The following SEC31A variants were observed in gnomAD, a reference collection of about 807,000 sequenced individuals.
SEC31A encodes the protein SEC31 homolog A, COPII component, also known as protein transport protein Sec31A.
SEC31A carries 70 observed loss-of-function variants against 151.0 expected under a neutral mutation model. The ratio of observed to expected loss-of-function variants is 0.46; its 90% confidence interval spans 0.38 to 0.57. The LOEUF (loss-of-function observed/expected upper bound fraction) is 0.57. SEC31A is among the 20% of genes least tolerant of loss of function. The pLI is 0.00. For missense variants in SEC31A, 1,330 were observed against 1,471.2 expected (o/e 0.90, Z 1.57); for synonymous variants, 475 against 505.9 (o/e 0.94, Z 0.82).
intron 24 of SEC31A, among the ~76,000 whole-genome samples, chr4:82,826,682 A>C (rs1281404683): frequency 6.6e-6 from 1 of 152,382 alleles, no homozygotes; most frequent in East Asian, 1.9e-4. Context: ...ACAGTAAAGT[A>C]TAATCTTGTG....
chr4:82,824,560 C>T lies in SEC31A; in HGVS notation c.3406G>A (p.Asp1136Asn). 6.2e-7 allele frequency: 1 copy of T among 1,613,174 alleles called. No individual in the cohort carries two copies. The highest frequency in any genetic ancestry group is 1.1e-5 in the South Asian group (1 of 90,766). The change falls in exon 25 of 27, where the codon GAC (aspartate) becomes AAC (asparagine). Residue 1136 changes from aspartate to asparagine, a missense_variant. Coordinates refer to ENST00000395310, the MANE Select transcript of SEC31A (RefSeq NM_001077207.4). Reference protein sequence around the residue: ...LIQRCLSSATDPQTKRKLDDA... With the variant: ...LIQRCLSSATNPQTKRKLDDA... Reference sequence around the variant, plus strand: ...TTAAAAAAATAAATACATACAGGGTCTGTTGCTGAAGAAAGGCAGCGCTGA... The same window carrying T: ...TTAAAAAAATAAATACATACAGGGTTTGTTGCTGAAGAAAGGCAGCGCTGA...
chr4:82,853,006 A>C (rs946361228), intron 18 of SEC31A, among the ~76,000 whole-genome samples: 2 of 152,208 alleles, frequency 1.3e-5, no homozygotes, highest in African/African-American at 4.8e-5. Flanking sequence ...GCCACCACTG[A>C]TGTGAAAGGA....
Position 82,867,160 on chromosome 4 carries a change from C to A in SEC31A, c.1039G>T (p.Asp347Tyr). 1 of 1,612,880 alleles carries A rather than the reference C, an allele frequency of 6.2e-7. No homozygotes were observed. The highest frequency in any genetic ancestry group is 1.1e-5 in the South Asian group (1 of 90,880). ...STDGLRQKQVDKLSSSFGNLD... is the reference protein window; with the variant it reads ...STDGLRQKQVYKLSSSFGNLD... ...ACTTTAACACTTCCTATTACCTTGT[C>A]AACTTGTTTCTGTCTTAAACCATCT... The change falls in exon 9 of 27, where the codon GAC becomes TAC. Residue 347 changes from aspartate (D) to tyrosine (Y), a missense_variant. Transcript: ENST00000395310.
At chr4:82,880,149 C>T (rs1054315197) in intron 3 of SEC31A, among the ~76,000 whole-genome samples, 6 of 151,540 alleles carry the variant, frequency 4.0e-5, no homozygotes, top group Admixed American at 2.0e-4. Context: ...CGCCATTGCA[C>T]TCCAGCCTGG....
chr4:82,865,971 T>A (rs1735275016), intron 10 of SEC31A, among the ~76,000 whole-genome samples: 1 of 151,854 alleles, frequency 6.6e-6, no homozygotes, highest in African/African-American at 2.4e-5. Flanking sequence ...TTTTTACAAT[T>A]AAAATTTTAT....
chr4:82,899,459 T>C (rs1026614511), intron 3 of SEC31A: 1 of 152,242 alleles, frequency 6.6e-6, no homozygotes, highest in Non-Finnish European at 1.5e-5. Context: ...CGGGTCTTAA[T>C]TGGTTGAGCA....
At chr4:82,888,959 G>A (rs926535607) in intron 1 of SEC31A, among the ~76,000 whole-genome samples, 1 of 152,196 alleles carries the variant, frequency 6.6e-6, no homozygotes, top group East Asian at 1.9e-4. Flanking sequence ...AATAGAATTG[G>A]AACTTGGATT....
In SEC31A at chr4:82,880,801, G is replaced by A; in HGVS notation, c.201C>T (p.His67=). 1 of 1,609,812 alleles carries A rather than the reference G, an allele frequency of 6.2e-7. No individual in the cohort carries two copies. Among genetic ancestry groups the A allele is most frequent in the Non-Finnish European group, 8.5e-7 (1 of 1,177,980 alleles). Residue 67 remains histidine (H), a splice_region_variant and synonymous_variant, in exon 3 of 27, where the codon CAC becomes CAT. Coordinates refer to ENST00000395310, the MANE Select transcript of SEC31A (RefSeq NM_001077207.4). ...GAATTTAAAGCTGAACCTCATACCT[G>A]TGAGAAGAGGAGAATGTGGCACAAG... ...MKSCATFSSS[H]RYHKLIWGPY...
chr4:82,853,887 T>C (rs1410519536), intron 17 of SEC31A, among the ~76,000 whole-genome samples, 172 bp from the exon 18 acceptor site: 2 of 152,158 alleles, frequency 1.3e-5, no homozygotes, highest in Non-Finnish European at 2.9e-5. Flanking sequence ...GTTAAATGAA[T>C]GGGAATGAAA....
upstream of SEC31A, chr4:82,895,731 T>C (rs1345789279): frequency 6.6e-6 from 1 of 152,188 alleles, no homozygotes; most frequent in African/African-American, 2.4e-5. Context: ...CAAATAAATA[T>C]GACAAATGAT....
At chr4:82,822,690 C>T (rs573210101) in intron 25 of SEC31A, among the ~76,000 whole-genome samples, 1 of 152,156 alleles carries the variant, frequency 6.6e-6, no homozygotes, top group East Asian at 1.9e-4. Flanking sequence ...CAAAGTTAAC[C>T]TGGCCAGGTG....
Position 82,818,913 on chromosome 4 carries a change from G to T in SEC31A, c.*161C>A. The T allele has an allele frequency of 2.2e-6, 1 of 446,274 alleles. No individual in the cohort carries two copies. The allele number at this position is 446,274 out of a possible 1,614,324, so 27.6% of individuals were successfully genotyped here. A position where few individuals can be genotyped will look rare whatever the true frequency, so the allele number is the denominator to read the frequency against. On this transcript the variant is annotated 3_prime_UTR_variant, in exon 27 of 27. Coordinates refer to ENST00000395310, the MANE Select transcript of SEC31A (RefSeq NM_001077207.4). ...AACAAAAATAAAGCACCAGGGTTCT[G>T]AGCAGTTCTAAGGTGAGTATATCAG...
At chr4:82,856,509 G>A (rs1180102631) in intron 16 of SEC31A, among the ~76,000 whole-genome samples, 1 of 151,834 alleles carries the variant, frequency 6.6e-6, no homozygotes, top group Non-Finnish European at 1.5e-5. Context: ...CTGGCACTTT[G>A]GGAGACCGAG....
intron 3 of SEC31A, among the ~76,000 whole-genome samples, chr4:82,879,962 C>T (rs531822132): frequency 2.6e-5 from 4 of 152,118 alleles, no homozygotes; most frequent in Non-Finnish European, 5.9e-5. Flanking sequence ...ATGACTACTC[C>T]TTTTCTAGTC....
In SEC31A at chr4:82,861,634, T is replaced by C; in HGVS notation, c.1623A>G (p.Gly541=). 1 of 1,599,142 alleles carries C rather than the reference T, an allele frequency of 6.3e-7. No homozygotes were observed. The highest frequency in any genetic ancestry group is 2.2e-5 in the East Asian group (1 of 44,764). ...AATATGAAAAAAAAATAAGTACCTCTCCCAAGAGCTGCTCTTCAGCAGCAG... is the reference window on the plus strand; with the variant it reads ...AATATGAAAAAAAAATAAGTACCTCCCCCAAGAGCTGCTCTTCAGCAGCAG... ...ESPAAEEQLL[G]EHIKEEKEES... is the part of the protein sequence containing the mutation. The change falls in exon 14 of 27, where the codon GGA becomes GGG. Residue 541 remains glycine (G), a synonymous_variant. Coordinates refer to ENST00000395310, the MANE Select transcript of SEC31A (RefSeq NM_001077207.4).
chr4:82,879,473 G>A (rs1216982114), intron 3 of SEC31A, among the ~76,000 whole-genome samples: 1 of 151,776 alleles, frequency 6.6e-6, no homozygotes, highest in Non-Finnish European at 1.5e-5. Flanking sequence ...GTATTCTAAT[G>A]GTAGAAAAAT....
chr4:82,843,800 A>G (rs1729456056), intron 21 of SEC31A: 2 of 152,216 alleles, frequency 1.3e-5, no homozygotes, highest in Non-Finnish European at 2.9e-5. Flanking sequence ...CACAGAATGT[A>G]CAACACTGAG....
In SEC31A at chr4:82,818,663, G is replaced by A. The variant is rs539453474; in HGVS notation, c.*411C>T. On this transcript the variant is annotated 3_prime_UTR_variant, in exon 27 of 27. Coordinates refer to ENST00000395310, the MANE Select transcript of SEC31A (RefSeq NM_001077207.4). ...AAAAAGACTATACACACATAAAATA[G>A]GATTACACACTTTAATCTGATTGAC... 1.3e-5 allele frequency: 2 copies of A among 153,662 alleles called. No homozygotes were observed. Among genetic ancestry groups the A allele is most frequent in the South Asian group, 2.1e-4 (1 of 4,840 alleles). The allele number at this position is 153,662 out of a possible 1,614,324, so 9.5% of individuals were successfully genotyped here. A position where few individuals can be genotyped will look rare whatever the true frequency, so the allele number is the denominator to read the frequency against.
chr4:82,853,834 TAGAG>T (rs1731971055), intron 17 of SEC31A, 119 bp from the exon 18 acceptor site: 1 of 686,170 alleles, frequency 1.5e-6, no homozygotes, highest in Non-Finnish European at 2.3e-6. Flanking sequence ...ATGAATAGCA[TAGAG>T]AAACAAAATC....
Sources: gnomAD v4.1 joint callset for allele counts (sites outside exome capture counted in the v4.1 genomes callset) on GRCh38, gnomAD v4.1.1 for gene constraint, MANE v1.5 for transcripts, NCBI Gene and HGNC (gene_info 2026-07-23, HGNC 2026-07-21) for gene names.